Variants in ZNF438 observed in about 807,000 individuals in gnomAD.
ZNF438 encodes zinc finger protein 438.
A neutral mutation model predicts 38.0 loss-of-function variants in ZNF438; 25 were observed. The observed-to-expected ratio is 0.66, with a 90% CI of 0.48 to 0.92. ZNF438 has a LOEUF of 0.92. ZNF438 is among the 40% of genes least tolerant of loss of function. The probability of loss-of-function intolerance (pLI) is 0.00; values close to 1 mark genes in which losing one functional copy is unlikely to be tolerated. For missense variants in ZNF438, 1,007 were observed against 999.6 expected (o/e 1.01, Z -0.10); for synonymous variants, 372 against 364.1 (o/e 1.02, Z -0.25).
chr10:30,955,030 G>A (rs1012539087), intron 1 of ZNF438, among the ~76,000 whole-genome samples: 2 of 152,160 alleles, frequency 1.3e-5, no homozygotes, highest in Admixed American at 1.3e-4. Context: ...AAAGCTGTAT[G>A]TTTCCTGTTT....
At chr10:30,957,646 T>C (rs375623157) in intron 1 of ZNF438, among the ~76,000 whole-genome samples, 1 of 152,184 alleles carries the variant, frequency 6.6e-6, no homozygotes, top group Non-Finnish European at 1.5e-5. Flanking sequence ...AGCATGTTCA[T>C]CAATCAGCTG....
intron 3 of ZNF438, among the ~76,000 whole-genome samples, chr10:30,900,001 C>A (rs2041800547): frequency 6.6e-6 from 1 of 152,122 alleles, no homozygotes; most frequent in Non-Finnish European, 1.5e-5. Flanking sequence ...GATAACTCCA[C>A]AAAGCAGGTG....
At chr10:30,885,860 C>A (rs1024601788) in intron 3 of ZNF438, among the ~76,000 whole-genome samples, 2 of 151,992 alleles carry the variant, frequency 1.3e-5, no homozygotes, top group Non-Finnish European at 2.9e-5. Context: ...AAGGAACGAA[C>A]CTGGGAAATA....
rs939129168 is a variant in ZNF438 at position 31,016,372 on chromosome 10, C to T, written c.-192+15461G>A. 3.3e-5 allele frequency among the ~76,000 whole-genome samples: 5 copies of T among 152,046 alleles called. No individual in the cohort carries two copies. In the East Asian group the frequency reaches 9.6e-4, roughly 29 times the overall value. On this transcript the variant is annotated intron_variant, in intron 1 of 5. Coordinates refer to ENST00000413025, the Ensembl canonical transcript of ZNF438. ...ACTGAAAAAAATCAAGAATAATTTCCAATCTAACATTCTATATTTGATTCC... is the reference window on the plus strand; with the variant it reads ...ACTGAAAAAAATCAAGAATAATTTCTAATCTAACATTCTATATTTGATTCC...
rs190205513 is a variant in ZNF438 at position 30,851,555 on chromosome 10, T to C, written c.38-1188A>G. 1.7e-4 allele frequency among the ~76,000 whole-genome samples: 26 copies of C among 152,382 alleles called. 2 individuals carry two copies. The highest frequency in any genetic ancestry group is 5.3e-4 in the African/African-American group (22 of 41,600). ...GGTTTGGAATTTATATTTTCAAATT[T>C]TGGAAAAGTAGTAAGATGCGTGTAC... On this transcript the variant is annotated intron_variant, in intron 4 of 5. Transcript: ENST00000413025.
chr10:31,005,664 G>C (rs1048760343), intron 1 of ZNF438, among the ~76,000 whole-genome samples: 2 of 152,174 alleles, frequency 1.3e-5, no homozygotes, highest in Non-Finnish European at 2.9e-5. Flanking sequence ...ACTAAAAAGA[G>C]TAACTATGTG....
Position 30,874,126 on chromosome 10 carries a change from A to G in ZNF438, c.37+2872T>C, listed in dbSNP as rs57498230. Reference sequence around the variant, plus strand: ...GGGGTGTGTGTGTGTATATATATATATATATATATATATATATATATATAT... The same window carrying G: ...GGGGTGTGTGTGTGTATATATATATGTATATATATATATATATATATATAT... On this transcript the variant is annotated intron_variant, in intron 4 of 5. Transcript: ENST00000413025. Among the ~76,000 whole-genome samples, 89 of 11,374 alleles carry G rather than the reference A, an allele frequency of 7.8e-3. 1 individual carries two copies. Among genetic ancestry groups the G allele is most frequent in the African/African-American group, 0.05 (72 of 1,432 alleles). The allele number at this position is 11,374 out of a possible 152,430, so 7.5% of individuals were successfully genotyped here.
At chr10:30,933,291 G>A (rs962661125) in intron 2 of ZNF438, among the ~76,000 whole-genome samples, 1 of 152,206 alleles carries the variant, frequency 6.6e-6, no homozygotes, top group Non-Finnish European at 1.5e-5. Context: ...ATCTAATAGA[G>A]GCAGCTTCTA....
chr10:30,998,387 CAAA>C (rs373335339), intron 1 of ZNF438, among the ~76,000 whole-genome samples: 12,530 of 150,848 alleles, frequency 0.083, 602 homozygotes, highest in Non-Finnish European at 0.11. Flanking sequence ...AAGAAAAATA[CAAA>C]AAATTAGCCG....
chr10:30,977,652 T>C (rs1048814452), intron 1 of ZNF438, among the ~76,000 whole-genome samples: 3 of 152,188 alleles, frequency 2.0e-5, no homozygotes, highest in Admixed American at 6.5e-5. Context: ...GGGAGCCATG[T>C]GCTTAGCTAA....
At chr10:30,885,257 A>G (rs1409293683) in intron 3 of ZNF438, among the ~76,000 whole-genome samples, 24 of 152,198 alleles carry the variant, frequency 1.6e-4, no homozygotes, top group Non-Finnish European at 1.5e-5. Context: ...TAATGTTACT[A>G]ACCTACTTTG....
rs111356301 is a variant in ZNF438 at position 30,908,765 on chromosome 10, A to G, written c.-32+168T>C. ...ACAAGCGCTTTCTGAAAGAAATATC[A>G]TATGACTTGGTAAAGAAGAAATATA... On this transcript the variant is annotated intron_variant, in intron 3 of 5. Coordinates refer to ENST00000413025, the Ensembl canonical transcript of ZNF438. Among the ~76,000 whole-genome samples the G allele has an allele frequency of 5.2e-3, 798 of 152,360 alleles. 7 individuals are homozygous for G. The highest frequency in any genetic ancestry group is 0.018 in the African/African-American group (755 of 41,592).
intron 1 of ZNF438, among the ~76,000 whole-genome samples, chr10:31,014,891 CAG>C (rs1337027482): frequency 4.6e-5 from 7 of 151,722 alleles, no homozygotes; most frequent in South Asian, 2.1e-4. Context: ...TATTTAGAGA[CAG>C]AGTCTCACTC....
At chr10:30,916,904 G>A (rs941651683) in intron 2 of ZNF438, among the ~76,000 whole-genome samples, 3 of 152,070 alleles carry the variant, frequency 2.0e-5, no homozygotes, top group Non-Finnish European at 4.4e-5. Context: ...AGCAGGGCAA[G>A]ATAAGTTCAG....
At position 30,852,692 on chromosome 10, in the gene ZNF438, A is replaced by G. The variant is rs534283541; in HGVS notation, c.38-2325T>C. 5.9e-5 allele frequency among the ~76,000 whole-genome samples: 9 copies of G among 152,270 alleles called. 1 individual carries two copies. In the South Asian group the frequency reaches 8.3e-4, roughly 14 times the overall value. Reference sequence around the variant, plus strand: ...GCAAAGAAAAAGGACATTATGAAACATAAGTTCACAGGATAGCCTGCACGA... The same window carrying G: ...GCAAAGAAAAAGGACATTATGAAACGTAAGTTCACAGGATAGCCTGCACGA... On this transcript the variant is annotated intron_variant, in intron 4 of 5. Transcript: ENST00000413025.
At chr10:30,960,620 G>GA (rs1554883600) in intron 1 of ZNF438, among the ~76,000 whole-genome samples, 1 of 146,558 alleles carries the variant, frequency 6.8e-6, no homozygotes, top group Non-Finnish European at 1.5e-5. Context: ...TGATTTATAT[G>GA]CTTATCCTAT....
At chr10:30,872,361 G>T (rs780027877) in intron 4 of ZNF438, among the ~76,000 whole-genome samples, 213 of 110,254 alleles carry the variant, frequency 1.9e-3, no homozygotes, top group Non-Finnish European at 3.0e-3. Flanking sequence ...GGGAGGTGGA[G>T]ATTGCAGTGA....
intron 3 of ZNF438, among the ~76,000 whole-genome samples, chr10:30,884,700 A>G (rs935238330): frequency 6.6e-6 from 1 of 152,214 alleles, no homozygotes; most frequent in Non-Finnish European, 1.5e-5. Flanking sequence ...ATTACTTTTT[A>G]TTTTAGTTAA....
intron 2 of ZNF438, among the ~76,000 whole-genome samples, chr10:30,930,240 C>G (rs566799037): frequency 2.0e-5 from 3 of 152,154 alleles, no homozygotes; most frequent in East Asian, 3.9e-4. Context: ...GGCTGAGACC[C>G]GGCAAGAATT....
Sources: gnomAD v4.1 joint callset for allele counts (sites outside exome capture counted in the v4.1 genomes callset) on GRCh38, gnomAD v4.1.1 for gene constraint, MANE v1.5 for transcripts, NCBI Gene and HGNC (gene_info 2026-07-23, HGNC 2026-07-21) for gene names.